CSMD3: variants seen among roughly 807,000 people sequenced by gnomAD.
CSMD3 encodes the protein CUB and sushi domain-containing protein 3.
Under a neutral mutation model 435.2 loss-of-function variants are expected in CSMD3, and 177 were observed. The observed-to-expected ratio is 0.41, with a 90% CI of 0.36 to 0.46. CSMD3 has a LOEUF of 0.46. Among genes scored for constraint, CSMD3 ranks in the 20% least tolerant of loss-of-function variants. CSMD3 has a pLI of 0.34. For synonymous variants in CSMD3, 1,656 were observed against 1,520.5 expected (o/e 1.09, Z -2.07); for missense variants, 4,265 against 4,504.6 (o/e 0.95, Z 1.52).
In CSMD3 at chr8:112,247,071, G is replaced by A. The variant is rs1216281630; in HGVS notation, c.10171C>T (p.Arg3391Cys). ...KGHLLQGSTT[R>C]TCLPDLTWSG... ...CACGTAAGATCAGGGAGGCAGGTGC[G>A]TGTTGTAGACCCTTGGAGAAGGTGT... Residue 3391 changes from arginine (R) to cysteine (C), a missense_variant, in exon 64 of 71, where the codon CGC (arginine) becomes TGC (cysteine). Transcript: ENST00000297405. The A allele has an allele frequency of 3.7e-6, 6 of 1,613,732 alleles. No homozygotes were observed. Among genetic ancestry groups the A allele is most frequent in the African/African-American group, 1.3e-5 (1 of 74,884 alleles).
chr8:112,231,447 A>T, intron 69 of CSMD3, 98 bp downstream of exon 69: 1 of 805,752 alleles, frequency 1.2e-6, no homozygotes, highest in Non-Finnish European at 2.2e-6. Context: ...AGAATTTATA[A>T]TGCAGTAAGT....
chr8:113,019,902 G>T (rs1186047382), intron 5 of CSMD3, among the ~76,000 whole-genome samples: 1 of 151,914 alleles, frequency 6.6e-6, no homozygotes, highest in Non-Finnish European at 1.5e-5. Flanking sequence ...GGTGGCTCAC[G>T]CCTGTAATCC....
In CSMD3 at chr8:113,289,065, T is replaced by C. The variant is rs1435039981; in HGVS notation, c.402-10361A>G. ...TAAATCTCAGTGATTCCATTTACTG[T>C]TGTGTGACATTGGGCAGGTTACTTG... is the stretch of plus-strand genomic sequence containing the variant. On this transcript the variant is annotated intron_variant, in intron 2 of 70. Coordinates refer to ENST00000297405, the MANE Select transcript of CSMD3 (RefSeq NM_198123.2). 4.0e-5 allele frequency among the ~76,000 whole-genome samples: 6 copies of C among 151,794 alleles called. 1 individual carries two copies. The highest frequency in any genetic ancestry group is 7.4e-5 in the Non-Finnish European group (5 of 67,776).
intron 32 of CSMD3, among the ~76,000 whole-genome samples, chr8:112,463,095 C>T (rs1011063500): frequency 1.3e-5 from 2 of 152,168 alleles, no homozygotes; most frequent in Admixed American, 1.3e-4. Context: ...CAGTGGCTCC[C>T]ACCTGTAATC....
rs1829692254 is a variant in CSMD3 at position 112,383,808 on chromosome 8, A to AT, written c.5935-146dup. ...CATAGAAGGGTTTTTAACAGAACTG[A>AT]TTTTTTCCATTATTGCACTGGCTTA... is the stretch of plus-strand genomic sequence containing the variant. On this transcript the variant is annotated intron_variant, in intron 36 of 70. Coordinates refer to ENST00000297405, the MANE Select transcript of CSMD3 (RefSeq NM_198123.2). The AT allele has an allele frequency of 8.3e-5, 56 of 670,918 alleles. No homozygotes were observed. The South Asian group carries it at 9.1e-4, about 11-fold the overall frequency. The allele number at this position is 670,918 out of a possible 1,614,324, so 41.6% of individuals were successfully genotyped here.
At chr8:112,708,353 T>C (rs1202619260) in intron 13 of CSMD3, among the ~76,000 whole-genome samples, 1 of 151,986 alleles carries the variant, frequency 6.6e-6, no homozygotes, top group Non-Finnish European at 1.5e-5. Context: ...ATGGAGTTAA[T>C]TGTGTAAGAT....
intron 10 of CSMD3, among the ~76,000 whole-genome samples, chr8:112,897,680 CTCTCTCTCTCTCTCTG>C (rs1264196052): frequency 3.2e-4 from 28 of 88,736 alleles, no homozygotes; most frequent in African/African-American, 6.6e-4. Context: ...CTCTCTCTCT[CTCTCTCTCTCTCTCTG>C]TGTGTGTGTG....
chr8:113,336,680 A>C (rs1404511883), intron 1 of CSMD3, among the ~76,000 whole-genome samples: 1 of 152,048 alleles, frequency 6.6e-6, no homozygotes. Context: ...AGGGAGTCAC[A>C]TTGTTGTAAT....
Position 113,323,893 on chromosome 8 carries a change from T to C in CSMD3, c.179-9100A>G, listed in dbSNP as rs577838386. 2.0e-5 allele frequency among the ~76,000 whole-genome samples: 3 copies of C among 152,336 alleles called. No homozygotes were observed. The South Asian group carries it at 6.2e-4, about 32-fold the overall frequency. ...CAGTAACCTTTCTTCTTTTGATCAC[T>C]AACCAATATTTCTATTGTGTTTTAT... On this transcript the variant is annotated intron_variant, in intron 1 of 70. Coordinates refer to ENST00000297405, the MANE Select transcript of CSMD3 (RefSeq NM_198123.2).
intron 13 of CSMD3, among the ~76,000 whole-genome samples, chr8:112,767,497 C>G (rs1191239719): frequency 6.6e-6 from 1 of 151,762 alleles, no homozygotes; most frequent in Non-Finnish European, 1.5e-5. Context: ...CATCCAAGTA[C>G]AAGTTACTTA....
chr8:113,148,897 TA>T (rs1400395733), intron 4 of CSMD3, among the ~76,000 whole-genome samples: 1 of 151,796 alleles, frequency 6.6e-6, no homozygotes. Context: ...TACAGTTTTC[TA>T]AAGATTTCTA....
intron 45 of CSMD3, among the ~76,000 whole-genome samples, chr8:112,321,151 A>G (rs1366892060): frequency 1.3e-5 from 2 of 152,126 alleles, no homozygotes; most frequent in Non-Finnish European, 2.9e-5. Context: ...CTATTATAAC[A>G]TCTGAGGCAA....
intron 30 of CSMD3, among the ~76,000 whole-genome samples, chr8:112,498,856 C>A (rs565198634): frequency 1.3e-5 from 2 of 152,176 alleles, no homozygotes; most frequent in African/African-American, 4.8e-5. Flanking sequence ...AGGTTTCTCA[C>A]ATTTAAAGAA....
rs557042229 is a variant in CSMD3, at chr8:113,039,601, T to C, written c.918-20422A>G. Among the ~76,000 whole-genome samples, 143 of 152,286 alleles carry C rather than the reference T, an allele frequency of 9.4e-4. 1 individual carries two copies. The highest frequency in any genetic ancestry group is 1.7e-3 in the Non-Finnish European group (113 of 68,016). On this transcript the variant is annotated intron_variant, in intron 5 of 70. Coordinates refer to ENST00000297405, the MANE Select transcript of CSMD3 (RefSeq NM_198123.2). ...CCTCCACACACATTTATTTGTGTTT[T>C]GTCTTTTAGAAAGAGAAGAAAAAAA...
intron 65 of CSMD3, 28 bp from the exon 66 acceptor site, chr8:112,241,813 A>C (rs765391063): frequency 6.8e-7 from 1 of 1,481,390 alleles, no homozygotes; most frequent in African/African-American, 1.4e-5. Flanking sequence ...GGTGTTTACA[A>C]AAGTTGATGC....
chr8:113,275,923 A>G (rs2093566027), intron 3 of CSMD3, among the ~76,000 whole-genome samples: 1 of 152,078 alleles, frequency 6.6e-6, no homozygotes, highest in East Asian at 1.9e-4. Flanking sequence ...ACTGTATCAT[A>G]CACAGGGCAA....
chr8:112,686,579 C>T (rs907921469), intron 14 of CSMD3, among the ~76,000 whole-genome samples: 12 of 151,526 alleles, frequency 7.9e-5, no homozygotes, highest in Admixed American at 2.0e-4. Flanking sequence ...CTCCACCTTC[C>T]GGGTTCAAGA....
At chr8:112,291,914 A>C (rs1819800848) in intron 55 of CSMD3, among the ~76,000 whole-genome samples, 1 of 152,084 alleles carries the variant, frequency 6.6e-6, no homozygotes, top group South Asian at 2.1e-4. Context: ...ACAATTAGGA[A>C]AATAGCAACT....
chr8:112,958,392 T>C (rs1367042567), intron 7 of CSMD3, among the ~76,000 whole-genome samples: 1 of 152,176 alleles, frequency 6.6e-6, no homozygotes, highest in African/African-American at 2.4e-5. Flanking sequence ...AAGAAAGGCC[T>C]GGCAGGGAAG....
Sources: allele counts gnomAD v4.1 joint callset (sites outside exome capture counted in the v4.1 genomes callset), GRCh38; gene constraint gnomAD v4.1.1; transcripts MANE v1.5; gene names NCBI Gene and HGNC (gene_info 2026-07-23, HGNC 2026-07-21).